HCN1: variants seen among roughly 807,000 people sequenced by gnomAD.
HCN1 encodes the protein potassium/sodium hyperpolarization-activated cyclic nucleotide-gated channel 1.
In HCN1, 13 loss-of-function variants were observed where a neutral mutation model predicts 78.9. The ratio of observed to expected loss-of-function variants is 0.16; its 90% CI spans 0.11 to 0.26. HCN1 has a LOEUF of 0.26. Among genes scored for constraint, HCN1 ranks in the 10% least tolerant of loss-of-function variants. The pLI, the probability that HCN1 is intolerant of heterozygous loss-of-function variation, is 1.00. For missense variants in HCN1, 810 were observed against 1,154.3 expected (o/e 0.70, Z 4.32); for synonymous variants, 552 against 455.5 (o/e 1.21, Z -2.70).
chr5:45,463,972 CA>C (rs1419406444), intron 2 of HCN1, among the ~76,000 whole-genome samples: 1 of 152,052 alleles, frequency 6.6e-6, no homozygotes, highest in African/African-American at 2.4e-5. Flanking sequence ...ACAAAATCTA[CA>C]AATTATAAGT....
At chr5:45,466,195 G>C (rs1436739297) in intron 2 of HCN1, among the ~76,000 whole-genome samples, 4 of 152,090 alleles carry the variant, frequency 2.6e-5, no homozygotes, top group African/African-American at 4.8e-5. Context: ...CTTTTAAAAT[G>C]CTTCCATATT....
At position 45,593,291 on chromosome 5, in the gene HCN1, T is replaced by TTCTCTCTC. The variant is rs372080697; in HGVS notation, c.849+51886_849+51893dup. On this transcript the variant is annotated intron_variant, in intron 2 of 7. Transcript: ENST00000303230. The stretch of plus-strand genomic sequence containing the variant: ...ATCCAGAGACAAAGGTAGAGGTATA[T>TTCTCTCTC]TCTCTCTCTCTCTCTCTCTCTCTCT... Among the ~76,000 whole-genome samples the TTCTCTCTC allele has an allele frequency of 1.4e-4, 17 of 124,530 alleles. No homozygotes were observed. In the East Asian group the frequency reaches 2.9e-3, roughly 21 times the overall value. 81.7% of individuals were successfully genotyped at this position (124,530 alleles called of 152,430 possible).
intron 2 of HCN1, among the ~76,000 whole-genome samples, chr5:45,482,264 C>A (rs1233528282): frequency 6.6e-6 from 1 of 152,156 alleles, no homozygotes; most frequent in Non-Finnish European, 1.5e-5. Context: ...CAAACAGTGG[C>A]AGCACCAACA....
intron 1 of HCN1, among the ~76,000 whole-genome samples, chr5:45,656,175 C>A (rs1239086222): frequency 6.6e-6 from 1 of 152,064 alleles, no homozygotes; most frequent in Non-Finnish European, 1.5e-5. Context: ...AATTGGTCAC[C>A]TTTTAAGTAA....
At chr5:45,658,882 C>T (rs1437624307) in intron 1 of HCN1, among the ~76,000 whole-genome samples, 3 of 148,422 alleles carry the variant, frequency 2.0e-5, no homozygotes, top group South Asian at 2.2e-4. Context: ...GGGGGAGGGG[C>T]GCCCGCCATT....
intron 6 of HCN1, among the ~76,000 whole-genome samples, chr5:45,297,509 T>TACAG (rs1745523210): frequency 1.3e-5 from 2 of 152,100 alleles, no homozygotes; most frequent in Admixed American, 6.6e-5. Flanking sequence ...GCCCAAAAGT[T>TACAG]GTCACCAGTA....
intron 2 of HCN1, among the ~76,000 whole-genome samples, chr5:45,472,237 T>G (rs1487013906): frequency 2.0e-5 from 3 of 151,928 alleles, no homozygotes; most frequent in Non-Finnish European, 4.4e-5. Flanking sequence ...ATCCATTTTC[T>G]GACTGATGAC....
intron 6 of HCN1, among the ~76,000 whole-genome samples, chr5:45,268,027 A>G (rs1046738060): frequency 1.3e-5 from 2 of 152,242 alleles, no homozygotes; most frequent in Non-Finnish European, 2.9e-5. Flanking sequence ...GCAGAAGCCA[A>G]AATGAGTCCA....
chr5:45,365,955 T>C (rs149422794), intron 4 of HCN1, among the ~76,000 whole-genome samples: 4,656 of 151,982 alleles, frequency 0.031, 103 homozygotes, highest in South Asian at 0.06. Flanking sequence ...ATTTAATTTC[T>C]TAAAATTAGA....
intron 2 of HCN1, among the ~76,000 whole-genome samples, chr5:45,605,858 T>C (rs1210838058): frequency 1.3e-5 from 2 of 151,970 alleles, no homozygotes; most frequent in African/African-American, 4.8e-5. Flanking sequence ...AAAAAATAAG[T>C]TTGAAAAGAC....
chr5:45,304,710 G>T (rs1246203004), intron 5 of HCN1, among the ~76,000 whole-genome samples: 1 of 151,916 alleles, frequency 6.6e-6, no homozygotes, highest in African/African-American at 2.4e-5. Context: ...AAATTCAACT[G>T]GTGTCTGGGC....
intron 4 of HCN1, among the ~76,000 whole-genome samples, chr5:45,371,884 TA>T (rs1313936572): frequency 2.1e-5 from 2 of 97,458 alleles, no homozygotes; most frequent in African/African-American, 5.3e-5. Context: ...ATATATGAAA[TA>T]AATATAATAT....
chr5:45,359,225 G>A (rs1335595923), intron 4 of HCN1, among the ~76,000 whole-genome samples: 1 of 151,914 alleles, frequency 6.6e-6, no homozygotes, highest in Non-Finnish European at 1.5e-5. Flanking sequence ...GGAAGACAGG[G>A]ATAAGAAGCT....
chr5:45,456,293 A>G (rs898569445), intron 3 of HCN1, among the ~76,000 whole-genome samples: 4 of 152,052 alleles, frequency 2.6e-5, no homozygotes, highest in Admixed American at 1.3e-4. Context: ...CAAAAACTGT[A>G]TAAGGAAGAC....
chr5:45,296,062 A>G (rs1745486388), intron 6 of HCN1, among the ~76,000 whole-genome samples: 1 of 152,038 alleles, frequency 6.6e-6, no homozygotes, highest in Non-Finnish European at 1.5e-5. Flanking sequence ...CTTGAGGTCC[A>G]CCAGTAGCCA....
chr5:45,552,256 C>T (rs536595422), intron 2 of HCN1, among the ~76,000 whole-genome samples: 1 of 151,982 alleles, frequency 6.6e-6, no homozygotes, highest in South Asian at 2.1e-4. Context: ...AGTACATTCC[C>T]TCTTTAATGT....
At chr5:45,456,083 A>T (rs528138818) in intron 3 of HCN1, among the ~76,000 whole-genome samples, 1 of 152,100 alleles carries the variant, frequency 6.6e-6, no homozygotes, top group South Asian at 2.1e-4. Context: ...TTTCTCTGAT[A>T]TTGCTAGATT....
chr5:45,345,928 C>T (rs1310306890), intron 5 of HCN1, among the ~76,000 whole-genome samples: 1 of 152,132 alleles, frequency 6.6e-6, no homozygotes, highest in Admixed American at 6.5e-5. Flanking sequence ...AAGACATACT[C>T]GAAAATGAGT....
intron 5 of HCN1, 149 bp from the exon 6 acceptor site, chr5:45,303,988 T>C (rs1745677403): frequency 2.7e-6 from 2 of 750,022 alleles, no homozygotes; most frequent in Non-Finnish European, 4.4e-6. Flanking sequence ...CGCATCATAT[T>C]ACAGTCAGGA....
Sources: gnomAD v4.1 joint callset for allele counts (sites outside exome capture counted in the v4.1 genomes callset) on GRCh38, gnomAD v4.1.1 for gene constraint, MANE v1.5 for transcripts, NCBI Gene and HGNC (gene_info 2026-07-23, HGNC 2026-07-21) for gene names.